The following DUSP28 variants were observed in gnomAD, a reference collection of about 807,000 sequenced individuals.
DUSP28 encodes dual specificity phosphatase 28.
DUSP28 carries 11 observed loss-of-function variants against 8.4 expected under a neutral mutation model. That is an observed-to-expected ratio of 1.31 (90% CI 0.83 to 2.17). The LOEUF (loss-of-function observed/expected upper bound fraction) is 2.17, where lower values mean the gene tolerates loss of function less well. Ranked by LOEUF, DUSP28 falls within the 30% of genes most tolerant of loss-of-function variation. DUSP28 has a pLI of 0.00. For missense variants in DUSP28, 373 were observed against 270.4 expected (o/e 1.38, Z -2.66); for synonymous variants, 178 against 130.9 (o/e 1.36, Z -2.46).
chr2:240,561,764 C>T lies in DUSP28; in HGVS notation c.*297C>T, dbSNP rs989882861. The T allele has an allele frequency of 8.3e-6, 3 of 363,140 alleles. No homozygotes were observed. The highest frequency in any genetic ancestry group is 1.5e-5 in the Non-Finnish European group (3 of 198,548). The allele number at this position is 363,140 out of a possible 1,614,324, so 22.5% of individuals were successfully genotyped here. A position where few individuals can be genotyped will look rare whatever the true frequency, so the allele number is the denominator to read the frequency against. On this transcript the variant is annotated 3_prime_UTR_variant, in exon 2 of 2. Coordinates refer to ENST00000405954, the MANE Select transcript of DUSP28 (RefSeq NM_001370465.2). ...GGGTGCCGGCGCATTCTACCAGTCT[C>T]AGGGAAGGACATGAGTACAGACTAC...
chr2:240,561,245 G>T, intron 1 of DUSP28, 85 bp from the exon 2 acceptor site: 3 of 1,598,724 alleles, frequency 1.9e-6, no homozygotes, highest in Non-Finnish European at 2.6e-6. Flanking sequence ...GGTTGGGCGG[G>T]GCCCACTCTT....
rs947875651 is a variant in DUSP28, at chr2:240,561,275, C to T, written c.394-55C>T. On this transcript the variant is annotated intron_variant, in intron 1 of 1. Transcript: ENST00000405954. Reference sequence around the variant, plus strand: ...ACTCTTACAGCTGGGCCCGCCTTGGCCCCTGCTGGCCATTAGCGCGACTTG... The same window carrying T: ...ACTCTTACAGCTGGGCCCGCCTTGGTCCCTGCTGGCCATTAGCGCGACTTG... 2.4e-5 allele frequency: 39 copies of T among 1,611,296 alleles called. No individual in the cohort carries two copies. The African/African-American group carries it at 3.5e-4, about 14-fold the overall frequency.
intron 1 of DUSP28, 109 bp downstream of exon 1, chr2:240,561,186 C>T (rs1352891924): frequency 9.4e-6 from 14 of 1,490,888 alleles, no homozygotes; most frequent in Non-Finnish European, 1.1e-5. Context: ...CCGGGAGGGG[C>T]GGGTCTCTCT....
rs936655776 is a variant in DUSP28, at chr2:240,560,580, G to A, written c.-105G>A. Reference sequence around the variant, plus strand: ...ACCTCGGAGGCCTCTAGGACCCGGGGGCGCCCGGCGGCCCGCCCGGCTCCC... The same window carrying A: ...ACCTCGGAGGCCTCTAGGACCCGGGAGCGCCCGGCGGCCCGCCCGGCTCCC... On this transcript the variant is annotated 5_prime_UTR_variant, in exon 1 of 2. Coordinates refer to ENST00000405954, the MANE Select transcript of DUSP28 (RefSeq NM_001370465.2). The A allele has an allele frequency of 3.0e-6, 4 of 1,316,498 alleles. No homozygotes were observed. In the African/African-American group the frequency reaches 6.2e-5, roughly 20 times the overall value. The allele number at this position is 1,316,498 out of a possible 1,614,324, so 81.6% of individuals were successfully genotyped here. A position where few individuals can be genotyped will look rare whatever the true frequency, so the allele number is the denominator to read the frequency against.
At chr2:240,561,261 T>G (rs1315000020) in intron 1 of DUSP28, 69 bp from the exon 2 acceptor site, 4 of 1,608,578 alleles carry the variant, frequency 2.5e-6, no homozygotes, top group Admixed American at 1.7e-5. Context: ...CTCTTACAGC[T>G]GGGCCCGCCT....
Sources: allele counts gnomAD v4.1 joint callset, GRCh38; gene constraint gnomAD v4.1.1; transcripts MANE v1.5; gene names NCBI Gene and HGNC (gene_info 2026-07-23, HGNC 2026-07-21).